The following DDR2 variants were observed in gnomAD, a reference collection of about 807,000 sequenced individuals.
DDR2 encodes discoidin domain receptor tyrosine kinase 2.
In DDR2, 27 loss-of-function variants were observed where a neutral mutation model predicts 94.9. That is an observed-to-expected ratio of 0.28 (90% CI 0.21 to 0.39). The LOEUF (loss-of-function observed/expected upper bound fraction) is 0.39, where lower values mean the gene tolerates loss of function less well. Among genes scored for constraint, DDR2 ranks in the 10% least tolerant of loss-of-function variants. The probability of loss-of-function intolerance (pLI) is 1.00; values close to 1 mark genes in which losing one functional copy is unlikely to be tolerated. For missense variants in DDR2, 783 were observed against 1,076.0 expected (o/e 0.73, Z 3.81); for synonymous variants, 382 against 377.2 (o/e 1.01, Z -0.15).
At chr1:162,693,258 A>G (rs998394322) in intron 2 of DDR2, among the ~76,000 whole-genome samples, 4 of 152,128 alleles carry the variant, frequency 2.6e-5, no homozygotes, top group Non-Finnish European at 4.4e-5. Flanking sequence ...TAACACAGGT[A>G]TGTTCACTTT....
intron 3 of DDR2, among the ~76,000 whole-genome samples, chr1:162,730,058 C>CTTTAAA (rs1661953788): frequency 1.6e-5 from 1 of 64,186 alleles, no homozygotes; most frequent in Non-Finnish European, 3.1e-5. Flanking sequence ...TTTTTTTTTG[C>CTTTAAA]AAAAAAAAAA....
intron 3 of DDR2, among the ~76,000 whole-genome samples, chr1:162,750,565 C>T (rs1040077042): frequency 1.2e-4 from 19 of 152,164 alleles, no homozygotes; most frequent in Admixed American, 1.2e-3. Context: ...AATGGCCATA[C>T]TGCCCAAGGT....
chr1:162,653,853 C>T (rs1246356845), intron 1 of DDR2, among the ~76,000 whole-genome samples: 1 of 152,096 alleles, frequency 6.6e-6, no homozygotes, highest in Non-Finnish European at 1.5e-5. Flanking sequence ...AACTAGAAGC[C>T]GGAGGAAAGT....
chr1:162,730,367 G>A (rs939051755), intron 3 of DDR2, among the ~76,000 whole-genome samples: 2 of 152,092 alleles, frequency 1.3e-5, no homozygotes, highest in Admixed American at 6.6e-5. Flanking sequence ...TAAGGTCTTC[G>A]TTTAGGCTAC....
intron 3 of DDR2, among the ~76,000 whole-genome samples, chr1:162,730,688 C>T (rs765278264): frequency 5.9e-5 from 9 of 152,126 alleles, no homozygotes; most frequent in Non-Finnish European, 1.2e-4. Context: ...TCTTGGTCTT[C>T]CAGTGCTTCT....
Position 162,719,069 on chromosome 1 carries a change from C to T in DDR2, c.6C>T (p.Ile2=), listed in dbSNP as rs374103806. Residue 2 remains isoleucine, a synonymous_variant, in exon 3 of 18, where the codon ATC becomes ATT. Transcript: ENST00000367921. ...TTCCAACACCATCTTCTGAGATGAT[C>T]CTGATTCCCAGAATGCTCTTGGTGC... M[I]LIPRMLLVLF... 4.3e-6 allele frequency: 7 copies of T among 1,613,878 alleles called. No homozygotes were observed. Among genetic ancestry groups the T allele is most frequent in the African/African-American group, 2.7e-5 (2 of 75,030 alleles).
chr1:162,762,936 G>A (rs1243233306), intron 9 of DDR2, among the ~76,000 whole-genome samples: 2 of 152,070 alleles, frequency 1.3e-5, no homozygotes, highest in Non-Finnish European at 2.9e-5. Flanking sequence ...TCCCGGGATC[G>A]AGTGATTCTT....
At chr1:162,762,841 A>G (rs1174073707) in intron 9 of DDR2, among the ~76,000 whole-genome samples, 1 of 151,868 alleles carries the variant, frequency 6.6e-6, no homozygotes, top group Non-Finnish European at 1.5e-5. Flanking sequence ...TATTAGTAGT[A>G]GTATGTTTAT....
intron 2 of DDR2, among the ~76,000 whole-genome samples, chr1:162,718,058 A>G (rs1419517202): frequency 6.6e-6 from 1 of 152,168 alleles, no homozygotes; most frequent in Non-Finnish European, 1.5e-5. Flanking sequence ...TTGTTTATTC[A>G]ATCATTAATT....
At chr1:162,740,661 C>T (rs1652581044) in intron 3 of DDR2, among the ~76,000 whole-genome samples, 1 of 151,694 alleles carries the variant, frequency 6.6e-6, no homozygotes, top group Admixed American at 6.6e-5. Context: ...TATTTATTTG[C>T]TTTATTGGCT....
At chr1:162,719,750 C>G (rs1661335545) in intron 3 of DDR2, among the ~76,000 whole-genome samples, 1 of 152,150 alleles carries the variant, frequency 6.6e-6, no homozygotes, top group Non-Finnish European at 1.5e-5. Context: ...GCTTAACAAC[C>G]TATCCAAAGC....
At chr1:162,764,867 A>G (rs1187933287) in intron 9 of DDR2, among the ~76,000 whole-genome samples, 2 of 151,924 alleles carry the variant, frequency 1.3e-5, no homozygotes, top group Admixed American at 6.6e-5. Context: ...AAATCAGAAG[A>G]ACCCATCCTT....
intron 11 of DDR2, among the ~76,000 whole-genome samples, chr1:162,768,773 A>T (rs1278249637): frequency 6.6e-6 from 1 of 152,228 alleles, no homozygotes; most frequent in East Asian, 1.9e-4. Flanking sequence ...TATGTCTACC[A>T]GTCTGAAAAC....
chr1:162,676,769 C>T (rs1046085212), intron 2 of DDR2, among the ~76,000 whole-genome samples: 1 of 152,174 alleles, frequency 6.6e-6, no homozygotes, highest in African/African-American at 2.4e-5. Flanking sequence ...TTATCCACCC[C>T]TTCCACAGAT....
Position 162,732,745 on chromosome 1 carries a change from T to C in DDR2, c.82+13600T>C, listed in dbSNP as rs112078244. 2.8e-3 allele frequency among the ~76,000 whole-genome samples: 424 copies of C among 152,380 alleles called. 1 individual carries two copies. The highest frequency in any genetic ancestry group is 9.6e-3 in the African/African-American group (399 of 41,596). On this transcript the variant is annotated intron_variant, in intron 3 of 17. Transcript: ENST00000367921. ...TCAGGCCTCATGTGGGCCATGTGTGTGTTTTCCTGGAAGCTGCATATAGGA... is the reference window on the plus strand; with the variant it reads ...TCAGGCCTCATGTGGGCCATGTGTGCGTTTTCCTGGAAGCTGCATATAGGA...
intron 3 of DDR2, chr1:162,741,610 T>C: frequency 1.0e-6 from 1 of 985,384 alleles, no homozygotes. Context: ...CACTATGACA[T>C]GGACTACAGT....
At chr1:162,752,125 C>T (rs1663240666) in intron 3 of DDR2, among the ~76,000 whole-genome samples, 1 of 151,270 alleles carries the variant, frequency 6.6e-6, no homozygotes, top group Non-Finnish European at 1.5e-5. Context: ...CACATGTACC[C>T]TACAACTTAA....
At chr1:162,710,890 G>T (rs530635384) in intron 2 of DDR2, among the ~76,000 whole-genome samples, 1 of 152,082 alleles carries the variant, frequency 6.6e-6, no homozygotes, top group Non-Finnish European at 1.5e-5. Context: ...CAGGGGAGGT[G>T]CATTTGAGCT....
intron 2 of DDR2, among the ~76,000 whole-genome samples, chr1:162,706,167 T>C (rs148157499): frequency 2.1e-4 from 32 of 152,324 alleles, no homozygotes; most frequent in African/African-American, 7.7e-4. Context: ...TTTCAACTCC[T>C]GGCAGTGAGA....
Sources: gnomAD v4.1 joint callset for allele counts (sites outside exome capture counted in the v4.1 genomes callset) on GRCh38, gnomAD v4.1.1 for gene constraint, MANE v1.5 for transcripts, NCBI Gene and HGNC (gene_info 2026-07-23, HGNC 2026-07-21) for gene names.